The following GPC5 variants were observed in gnomAD, a reference collection of about 807,000 sequenced individuals.
GPC5 encodes glypican-5.
Under a neutral mutation model 53.9 loss-of-function variants are expected in GPC5, and 47 were observed. The ratio of observed to expected loss-of-function variants is 0.87; its 90% CI spans 0.69 to 1.11. GPC5 has a LOEUF of 1.11. Among genes scored for constraint, GPC5 ranks in the 50% most tolerant of loss-of-function variants. The pLI is 0.00. For missense variants in GPC5, 748 were observed against 713.1 expected, an observed-to-expected ratio of 1.05 and a Z score of -0.56; for synonymous variants, 286 against 263.3, an observed-to-expected ratio of 1.09 and a Z score of -0.84.
chr13:92,001,247 A>T (rs557106460), intron 6 of GPC5, among the ~76,000 whole-genome samples: 1 of 152,354 alleles, frequency 6.6e-6, no homozygotes, highest in Non-Finnish European at 1.5e-5. Context: ...TGGAAAAGCA[A>T]TTAATCTCAG....
chr13:92,578,279 C>T (rs1883251563), intron 7 of GPC5, among the ~76,000 whole-genome samples: 1 of 152,178 alleles, frequency 6.6e-6, no homozygotes, highest in African/African-American at 2.4e-5. Flanking sequence ...GTTTCCATAA[C>T]TCCTGGGGTA....
chr13:92,545,879 A>T (rs1882092530), intron 7 of GPC5, among the ~76,000 whole-genome samples: 1 of 151,782 alleles, frequency 6.6e-6, no homozygotes, highest in Non-Finnish European at 1.5e-5. Flanking sequence ...TTGCCTGTTC[A>T]CTCTGATGGT....
At chr13:92,574,746 G>T (rs2139045196) in intron 7 of GPC5, among the ~76,000 whole-genome samples, 2 of 152,306 alleles carry the variant, frequency 1.3e-5, no homozygotes, top group East Asian at 3.9e-4. Context: ...GTGAGCAGGA[G>T]AGCAGCTGAG....
chr13:92,465,907 A>G (rs1013773375), intron 7 of GPC5, among the ~76,000 whole-genome samples: 6 of 152,056 alleles, frequency 3.9e-5, no homozygotes, highest in Non-Finnish European at 8.8e-5. Flanking sequence ...TGGAATCTAA[A>G]AAGTCAAACT....
chr13:92,645,107 A>G (rs570930808), intron 7 of GPC5, among the ~76,000 whole-genome samples: 2 of 152,252 alleles, frequency 1.3e-5, no homozygotes, highest in African/African-American at 4.8e-5. Flanking sequence ...CTACATTCAA[A>G]CTTTAAAACA....
chr13:92,596,733 A>G (rs556242011), intron 7 of GPC5, among the ~76,000 whole-genome samples: 6 of 152,292 alleles, frequency 3.9e-5, no homozygotes, highest in East Asian at 3.9e-4. Flanking sequence ...TGGCTTCCCA[A>G]AGTGTTGGGA....
intron 7 of GPC5, among the ~76,000 whole-genome samples, chr13:92,352,816 T>G (rs984312006): frequency 2.0e-5 from 3 of 152,152 alleles, no homozygotes; most frequent in African/African-American, 4.8e-5. Context: ...ATTAAAATAT[T>G]TATGCACTTG....
chr13:92,579,335 C>G (rs1400972199), intron 7 of GPC5, among the ~76,000 whole-genome samples: 1 of 130,896 alleles, frequency 7.6e-6, no homozygotes, highest in African/African-American at 2.9e-5. Flanking sequence ...CTCTCTCTCT[C>G]TCTCTGCTTC....
At chr13:92,078,637 A>G (rs2041271131) in intron 6 of GPC5, among the ~76,000 whole-genome samples, 1 of 151,920 alleles carries the variant, frequency 6.6e-6, no homozygotes, top group Non-Finnish European at 1.5e-5. Context: ...TTGCTCCAAT[A>G]TCTCTCTTTT....
intron 1 of GPC5, among the ~76,000 whole-genome samples, chr13:91,407,526 T>C (rs1476775266): frequency 6.6e-6 from 1 of 152,242 alleles, no homozygotes; most frequent in African/African-American, 2.4e-5. Context: ...AGTTATAATT[T>C]GCATTTGGCT....
chr13:91,427,237 T>C (rs996648005), intron 1 of GPC5, among the ~76,000 whole-genome samples: 1 of 152,114 alleles, frequency 6.6e-6, no homozygotes, highest in Admixed American at 6.6e-5. Context: ...GAATGGTAGA[T>C]CCACTGACAA....
chr13:92,771,277 C>A (rs1875605434), intron 7 of GPC5, among the ~76,000 whole-genome samples: 1 of 152,134 alleles, frequency 6.6e-6, no homozygotes, highest in South Asian at 2.1e-4. Flanking sequence ...ATTACTCATG[C>A]TACCCATCTC....
chr13:92,811,002 G>A lies in GPC5; in HGVS notation c.1562-55280G>A, dbSNP rs564921037. ...CCCAAAGTGCTGGGATTGCAGGAGT[G>A]AGCCACCGTGCCCAGCCCAGCATAA... is the stretch of plus-strand genomic sequence containing the variant. On this transcript the variant is annotated intron_variant, in intron 7 of 7. Transcript: ENST00000377067. Among the ~76,000 whole-genome samples, 4 of 152,084 alleles carry A rather than the reference G, an allele frequency of 2.6e-5. No individual in the cohort carries two copies. The South Asian group carries it at 8.3e-4, about 32-fold the overall frequency.
At chr13:92,645,626 A>G (rs1440161052) in intron 7 of GPC5, among the ~76,000 whole-genome samples, 1 of 152,176 alleles carries the variant, frequency 6.6e-6, no homozygotes, top group Non-Finnish European at 1.5e-5. Context: ...CAAAGTGGCT[A>G]TAATAGTTTA....
chr13:91,833,967 G>A (rs1201495978), intron 5 of GPC5, among the ~76,000 whole-genome samples: 1 of 152,144 alleles, frequency 6.6e-6, no homozygotes, highest in Non-Finnish European at 1.5e-5. Context: ...TCTGTTTGCA[G>A]ATGTCATGAG....
intron 2 of GPC5, among the ~76,000 whole-genome samples, chr13:91,569,018 C>T (rs1473071260): frequency 2.6e-5 from 4 of 151,986 alleles, no homozygotes; most frequent in Non-Finnish European, 4.4e-5. Context: ...CTCAAAGTGT[C>T]GGGATCAGAG....
chr13:92,005,860 G>A (rs1268435786), intron 6 of GPC5, among the ~76,000 whole-genome samples: 1 of 152,140 alleles, frequency 6.6e-6, no homozygotes, highest in Non-Finnish European at 1.5e-5. Flanking sequence ...TATTGGGAAA[G>A]AAGATATTTA....
intron 6 of GPC5, among the ~76,000 whole-genome samples, chr13:91,981,196 A>C (rs2040354374): frequency 6.6e-6 from 1 of 152,190 alleles, no homozygotes; most frequent in Admixed American, 6.5e-5. Flanking sequence ...CATTTTATGA[A>C]ATTTTGAGCT....
intron 7 of GPC5, among the ~76,000 whole-genome samples, chr13:92,690,746 G>A (rs1335628731): frequency 3.9e-5 from 4 of 102,152 alleles, no homozygotes; most frequent in African/African-American, 1.5e-4. Flanking sequence ...TGGGTTTTTG[G>A]TGTAGATGTC....
Sources: gnomAD v4.1 joint callset for allele counts (sites outside exome capture counted in the v4.1 genomes callset) on GRCh38, gnomAD v4.1.1 for gene constraint, MANE v1.5 for transcripts, NCBI Gene and HGNC (gene_info 2026-07-23, HGNC 2026-07-21) for gene names.